The following PHACTR4 variants were observed in gnomAD, a reference collection of about 807,000 sequenced individuals.
PHACTR4 encodes phosphatase and actin regulator 4, also known as protein phosphatase 1, regulatory subunit 124.
Under a neutral mutation model 72.7 loss-of-function variants are expected in PHACTR4, and 51 were observed. The ratio of observed to expected loss-of-function variants is 0.70; its 90% confidence interval spans 0.56 to 0.89. PHACTR4 has a LOEUF of 0.89. Ranked by LOEUF, PHACTR4 falls within the 40% of genes least tolerant of loss-of-function variation. The pLI is 0.00. For missense variants in PHACTR4, 731 were observed against 861.8 expected (o/e 0.85, Z 1.90); for synonymous variants, 255 against 302.5 (o/e 0.84, Z 1.63).
chr1:28,464,703 C>CT (rs1160259602), intron 4 of PHACTR4, among the ~76,000 whole-genome samples: 2 of 151,486 alleles, frequency 1.3e-5, no homozygotes, highest in Non-Finnish European at 2.9e-5. Context: ...ATTCGTTTGT[C>CT]TTTTTTTTTC....
intron 9 of PHACTR4, among the ~76,000 whole-genome samples, chr1:28,485,020 AAAG>A (rs1277857423): frequency 6.6e-6 from 1 of 152,178 alleles, no homozygotes; most frequent in Non-Finnish European, 1.5e-5. Flanking sequence ...TAATCTTAAA[AAAG>A]AAGGAAATCC....
intron 1 of PHACTR4, among the ~76,000 whole-genome samples, chr1:28,397,704 CTTT>C (rs201612295): frequency 2.9e-5 from 4 of 136,414 alleles, no homozygotes; most frequent in Non-Finnish European, 1.6e-5. Flanking sequence ...ATAATTTTTG[CTTT>C]TTTTTTTTTT....
intron 2 of PHACTR4, among the ~76,000 whole-genome samples, chr1:28,446,305 A>G (rs1240194397): frequency 6.6e-6 from 1 of 152,188 alleles, no homozygotes; most frequent in Non-Finnish European, 1.5e-5. Context: ...GATTTTCTAA[A>G]TAGGCCATTA....
intron 1 of PHACTR4, among the ~76,000 whole-genome samples, chr1:28,375,282 G>C (rs1225724363): frequency 6.6e-6 from 1 of 151,568 alleles, no homozygotes; most frequent in Admixed American, 6.6e-5. Flanking sequence ...CGGGGTGACA[G>C]AGCAAGATTC....
intron 2 of PHACTR4, among the ~76,000 whole-genome samples, chr1:28,426,239 T>C (rs1398687412): frequency 6.6e-6 from 1 of 151,182 alleles, no homozygotes; most frequent in African/African-American, 2.4e-5. Context: ...AAATTGTGAA[T>C]ATAAATAGTC....
chr1:28,413,315 A>G (rs943016378), intron 2 of PHACTR4, among the ~76,000 whole-genome samples: 4 of 152,180 alleles, frequency 2.6e-5, no homozygotes, highest in African/African-American at 7.2e-5. Flanking sequence ...ACAGCTTTCA[A>G]TATATCTCTT....
intron 2 of PHACTR4, among the ~76,000 whole-genome samples, chr1:28,440,347 G>A (rs1656923927): frequency 7.0e-6 from 1 of 143,652 alleles, no homozygotes; most frequent in South Asian, 2.2e-4. Context: ...AGTAACGTTT[G>A]GTATTTGTAT....
At chr1:28,429,798 G>A (rs1037338634) in intron 2 of PHACTR4, among the ~76,000 whole-genome samples, 1 of 152,158 alleles carries the variant, frequency 6.6e-6, no homozygotes, top group African/African-American at 2.4e-5. Flanking sequence ...TGCATTTCAG[G>A]CTGGTGTACT....
intron 2 of PHACTR4, among the ~76,000 whole-genome samples, chr1:28,444,490 A>G (rs966255000): frequency 6.6e-6 from 1 of 151,474 alleles, no homozygotes; most frequent in Non-Finnish European, 1.5e-5. Context: ...AGCCTCCCAA[A>G]GTACTGGGAC....
intron 9 of PHACTR4, 80 bp from the exon 10 acceptor site, chr1:28,489,090 T>C (rs1660881806): frequency 8.9e-7 from 1 of 1,118,938 alleles, no homozygotes; most frequent in Non-Finnish European, 1.3e-6. Context: ...GGGGCTAATA[T>C]ATACTGTGAC....
chr1:28,491,063 C>G (rs1160517688), intron 11 of PHACTR4, 51 bp downstream of exon 11: 1 of 1,550,180 alleles, frequency 6.5e-7, no homozygotes, highest in Non-Finnish European at 8.9e-7. Flanking sequence ...TTTGGATGGC[C>G]TATTTGATTG....
intron 8 of PHACTR4, among the ~76,000 whole-genome samples, chr1:28,477,090 T>A (rs1280042729): frequency 7.2e-6 from 1 of 138,334 alleles, no homozygotes; most frequent in Non-Finnish European, 1.6e-5. Flanking sequence ...TATATATAAT[T>A]TTTTTTTTTT....
chr1:28,441,542 T>C (rs1025622983), intron 2 of PHACTR4, among the ~76,000 whole-genome samples: 1 of 152,244 alleles, frequency 6.6e-6, no homozygotes, highest in Non-Finnish European at 1.5e-5. Flanking sequence ...GAGTTTCTAC[T>C]GTAGGATCTT....
chr1:28,397,306 A>G (rs1371905539), intron 1 of PHACTR4, among the ~76,000 whole-genome samples: 2 of 152,188 alleles, frequency 1.3e-5, no homozygotes, highest in East Asian at 3.8e-4. Flanking sequence ...TTGAATCCCC[A>G]AAGACAAGAA....
At chr1:28,430,124 G>T (rs369755952) in intron 2 of PHACTR4, among the ~76,000 whole-genome samples, 2 of 151,852 alleles carry the variant, frequency 1.3e-5, no homozygotes, top group African/African-American at 4.8e-5. Context: ...CCGGGTTCAC[G>T]CCATTCTCCT....
chr1:28,401,665 G>A (rs1426446014), intron 1 of PHACTR4, among the ~76,000 whole-genome samples: 1 of 151,980 alleles, frequency 6.6e-6, no homozygotes, highest in African/African-American at 2.4e-5. Flanking sequence ...GAGTGCCGTG[G>A]TGCAGTCATA....
Position 28,496,705 on chromosome 1 carries a change from G to C in PHACTR4, c.*156G>C. 2.4e-6 allele frequency: 2 copies of C among 849,270 alleles called. No individual in the cohort carries two copies. Among genetic ancestry groups the C allele is most frequent in the Non-Finnish European group, 3.9e-6 (2 of 514,738 alleles). 52.6% of individuals were successfully genotyped at this position (849,270 alleles called of 1,614,324 possible). On this transcript the variant is annotated 3_prime_UTR_variant, in exon 14 of 14. Transcript: ENST00000373839. ...GCACTTTGAATGTAGCATTTCACTG[G>C]AACAGAGTCTTATGTGCTGCACCGG...
At chr1:28,482,784 TA>T (rs1243800793) in intron 9 of PHACTR4, among the ~76,000 whole-genome samples, 1 of 151,328 alleles carries the variant, frequency 6.6e-6, no homozygotes, top group African/African-American at 2.4e-5. Context: ...TACAAAAAAT[TA>T]AAAAATTAGC....
chr1:28,451,257 T>C (rs968682707), intron 2 of PHACTR4, among the ~76,000 whole-genome samples: 1 of 152,012 alleles, frequency 6.6e-6, no homozygotes, highest in Non-Finnish European at 1.5e-5. Context: ...TCCAGCCTAC[T>C]CTTTGTTCTG....
Sources: gnomAD v4.1 joint callset for allele counts (sites outside exome capture counted in the v4.1 genomes callset) on GRCh38, gnomAD v4.1.1 for gene constraint, MANE v1.5 for transcripts, NCBI Gene and HGNC (gene_info 2026-07-23, HGNC 2026-07-21) for gene names.